The following SEC62 variants were observed in gnomAD, a reference collection of about 807,000 sequenced individuals.
SEC62 encodes translocation protein SEC62.
Under a neutral mutation model 47.5 loss-of-function variants are expected in SEC62, and 10 were observed. The ratio of observed to expected loss-of-function variants is 0.21; its 90% CI spans 0.13 to 0.36. The LOEUF (loss-of-function observed/expected upper bound fraction) is 0.36, where lower values mean the gene tolerates loss of function less well. SEC62 is among the 10% of genes least tolerant of loss of function. The pLI is 1.00. For missense variants in SEC62, 327 were observed against 464.1 expected, an observed-to-expected ratio of 0.70 and a Z score of 2.71; for synonymous variants, 136 against 150.5, an observed-to-expected ratio of 0.90 and a Z score of 0.71.
intron 7 of SEC62, among the ~76,000 whole-genome samples, chr3:169,991,022 AAAAATCACTCAGCTCTAC>A (rs919066864): frequency 2.0e-5 from 3 of 152,242 alleles, no homozygotes; most frequent in African/African-American, 7.2e-5. Flanking sequence ...AAAAACAGGA[AAAAATCACTCAGCTCTAC>A]ATAATTGGTA....
chr3:169,985,772 C>T (rs754799632), intron 5 of SEC62, 33 bp from the exon 6 acceptor site: 21 of 1,578,498 alleles, frequency 1.3e-5, no homozygotes, highest in Non-Finnish European at 1.7e-5. Flanking sequence ...GACATTAGAA[C>T]TTTTAAGCAC....
chr3:169,988,831 T>C (rs1715167192), intron 7 of SEC62, among the ~76,000 whole-genome samples: 1 of 152,200 alleles, frequency 6.6e-6, no homozygotes. Flanking sequence ...GTTTAATATT[T>C]TTGCAGTGGT....
At chr3:169,970,406 G>A (rs1714669962) in intron 1 of SEC62, among the ~76,000 whole-genome samples, 1 of 152,124 alleles carries the variant, frequency 6.6e-6, no homozygotes, top group African/African-American at 2.4e-5. Context: ...TTTATTGGAT[G>A]TAGTAATTTT....
Position 169,996,224 on chromosome 3 carries a change from A to G in SEC62, c.*3161A>G, listed in dbSNP as rs184608610. 4.5e-4 allele frequency: 68 copies of G among 152,698 alleles called. No individual in the cohort carries two copies. The highest frequency in any genetic ancestry group is 1.5e-3 in the African/African-American group (64 of 41,562). The allele number at this position is 152,698 out of a possible 1,614,324, so 9.5% of individuals were successfully genotyped here. A position where few individuals can be genotyped will look rare whatever the true frequency, so the allele number is the denominator to read the frequency against. On this transcript the variant is annotated 3_prime_UTR_variant, in exon 8 of 8. Coordinates refer to ENST00000337002, the MANE Select transcript of SEC62 (RefSeq NM_003262.4). ...CTTAACTATATTTTAAAGCTGTGAC[A>G]TTTATCTACCTGGTTTATGGAATAG...
chr3:169,979,462 A>G (rs1266668742), intron 3 of SEC62, among the ~76,000 whole-genome samples: 3 of 152,238 alleles, frequency 2.0e-5, no homozygotes, highest in South Asian at 2.1e-4. Flanking sequence ...GGCCTATATC[A>G]TGAATGAACT....
chr3:169,992,800 TCAGA>T lies in SEC62; in HGVS notation c.941_944del (p.Asp314ValfsTer11). ...ACAGAAGTCCGACAGTGAGGAAAAG[TCAGA>T]CAGTGAGAAAAAGGAAGATGAGGAG... On this transcript the variant is annotated frameshift_variant, in exon 8 of 8. Transcript: ENST00000337002. LOFTEE classifies it high-confidence loss of function. The surrounding 1 kb of genome is among the most constrained non-coding windows in gnomAD (Gnocchi z 4.0). 6.2e-7 allele frequency: 1 copy of T among 1,613,508 alleles called. No individual in the cohort carries two copies. Among genetic ancestry groups the T allele is most frequent in the Non-Finnish European group, 8.5e-7 (1 of 1,179,918 alleles).
At position 169,985,821 on chromosome 3, in the gene SEC62, A is replaced by G. The variant is rs1241718311; in HGVS notation, c.566A>G (p.Tyr189Cys). 6.2e-7 allele frequency: 1 copy of G among 1,612,620 alleles called. No individual in the cohort carries two copies. Among genetic ancestry groups the G allele is most frequent in the Non-Finnish European group, 8.5e-7 (1 of 1,179,234 alleles). ...TTCTTCTAGGTGTATGTATGGATCT[A>G]TGACCCAGTTCACTTTAAAACATTT... The part of the protein sequence containing the change: ...LDGNEVYVWI[Y>C]DPVHFKTFVM... The change falls in exon 6 of 8, where the codon TAT becomes TGT. Residue 189 changes from tyrosine (Y) to cysteine (C), a missense_variant. This residue lies in a region of SEC62 where 99 missense variants were observed against 194.0 expected (regional missense o/e 0.51). Transcript: ENST00000337002.
rs1715296670 is a variant in SEC62 at position 169,993,457 on chromosome 3, A to G, written c.*394A>G. 6.2e-6 allele frequency: 1 copy of G among 160,430 alleles called. No homozygotes were observed. Among genetic ancestry groups the G allele is most frequent in the African/African-American group, 2.4e-5 (1 of 41,568 alleles). 9.9% of individuals were successfully genotyped at this position (160,430 alleles called of 1,614,324 possible). A position where few individuals can be genotyped will look rare whatever the true frequency, so the allele number is the denominator to read the frequency against. ...CCAACATTTCACATTATGCATAGTTATGTAGCCATTTCACAGTTTCTTTAA... is the reference window on the plus strand; with the variant it reads ...CCAACATTTCACATTATGCATAGTTGTGTAGCCATTTCACAGTTTCTTTAA... On this transcript the variant is annotated 3_prime_UTR_variant, in exon 8 of 8. Transcript: ENST00000337002.
intron 4 of SEC62, 31 bp downstream of exon 4, chr3:169,982,942 A>G (rs1030326202): frequency 6.4e-7 from 1 of 1,555,912 alleles, no homozygotes; most frequent in Non-Finnish European, 8.6e-7. Context: ...GTAAAAATTT[A>G]AAAATCATTA....
chr3:169,975,460 A>G, intron 1 of SEC62, 148 bp from the exon 2 acceptor site: 3 of 516,944 alleles, frequency 5.8e-6, no homozygotes, highest in Non-Finnish European at 1.0e-5. Context: ...TGTCTTTTGA[A>G]TACTTTATTA....
Position 169,992,176 on chromosome 3 carries a change from T to A in SEC62, c.731-418T>A, listed in dbSNP as rs188198963. On this transcript the variant is annotated intron_variant, in intron 7 of 7. Coordinates refer to ENST00000337002, the MANE Select transcript of SEC62 (RefSeq NM_003262.4). This position sits in a 1 kb window ranked among gnomAD's most constrained non-coding sequence, Gnocchi z 4.0. The stretch of plus-strand genomic sequence containing the variant: ...TTGCTATGTGTATTGAAGCATAATA[T>A]CACAAAGTACATAAATCAGAAGTGT... Among the ~76,000 whole-genome samples, 2 of 152,294 alleles carry A rather than the reference T, an allele frequency of 1.3e-5. No individual in the cohort carries two copies. Among genetic ancestry groups the A allele is most frequent in the Admixed American group, 1.3e-4 (2 of 15,292 alleles).
intron 7 of SEC62, among the ~76,000 whole-genome samples, chr3:169,990,565 G>T (rs1045836931): frequency 2.6e-5 from 4 of 151,448 alleles, no homozygotes; most frequent in Non-Finnish European, 5.9e-5. Context: ...TTTCTATATT[G>T]CTTTTTCTTT....
chr3:169,983,083 GAA>G, intron 4 of SEC62, 76 bp from the exon 5 acceptor site: 1 of 1,455,190 alleles, frequency 6.9e-7, no homozygotes, highest in Non-Finnish European at 9.4e-7. Context: ...AATAGTCAGT[GAA>G]AGTTTTTTGA....
rs556908019 is a variant in SEC62 at position 169,987,809 on chromosome 3, C to T, written c.611-431C>T. ...CAGTCTGTGGATGTCAGAGCTCCACCCCAGAAGAAGAATCTCCAGAGAGGG... is the reference window on the plus strand; with the variant it reads ...CAGTCTGTGGATGTCAGAGCTCCACTCCAGAAGAAGAATCTCCAGAGAGGG... On this transcript the variant is annotated intron_variant, in intron 6 of 7. Transcript: ENST00000337002. 2.0e-5 allele frequency among the ~76,000 whole-genome samples: 3 copies of T among 152,258 alleles called. 1 individual carries two copies. The South Asian group carries it at 6.2e-4, about 32-fold the overall frequency.
intron 1 of SEC62, among the ~76,000 whole-genome samples, chr3:169,969,693 A>C (rs577850529): frequency 2.6e-4 from 40 of 152,268 alleles, no homozygotes; most frequent in African/African-American, 9.4e-4. Context: ...CTGATTCCCA[A>C]CTGAATACTC....
Position 169,983,250 on chromosome 3 carries a change from T to A in SEC62, c.546T>A (p.Asn182Lys). Residue 182 changes from asparagine (N) to lysine (K), a missense_variant, in exon 5 of 8, where the codon AAT (asparagine) becomes AAA (lysine). Physicochemically the swap from Asn to Lys is moderately conservative, Grantham distance 94. Around this residue, in one of 3 missense-constraint regions of SEC62, gnomAD observed 99 missense variants for 194.0 expected, o/e 0.51. Transcript: ENST00000337002. The part of the protein sequence containing the change: ...PHDDQVFLDG[N>K]EVYVWIYDPV... ...ATGATCAGGTTTTTCTGGATGGAAA[T>A]GAGGTGAGAGTAAGCCTATAACTAG... 1 of 1,609,258 alleles carries A rather than the reference T, an allele frequency of 6.2e-7. No individual in the cohort carries two copies. The highest frequency in any genetic ancestry group is 8.5e-7 in the Non-Finnish European group (1 of 1,176,406).
At chr3:169,976,148 A>C (rs917028264) in intron 2 of SEC62, among the ~76,000 whole-genome samples, 1 of 152,112 alleles carries the variant, frequency 6.6e-6, no homozygotes, top group African/African-American at 2.4e-5. Context: ...TATAGTACCA[A>C]CACTTTGGGA....
At chr3:169,985,085 A>G (rs1279049964) in intron 5 of SEC62, 1 of 151,888 alleles carries the variant, frequency 6.6e-6, no homozygotes, top group Admixed American at 6.6e-5. Flanking sequence ...AGGAGAGAAA[A>G]GTGTGGAGTT....
chr3:169,969,764 T>G (rs1431826738), intron 1 of SEC62, among the ~76,000 whole-genome samples: 1 of 152,214 alleles, frequency 6.6e-6, no homozygotes, highest in African/African-American at 2.4e-5. Flanking sequence ...CTGACTTCTT[T>G]ATTATTGAAT....
Sources: allele counts gnomAD v4.1 joint callset (sites outside exome capture counted in the v4.1 genomes callset), GRCh38; gene constraint gnomAD v4.1.1; regional missense constraint gnomAD v4.1.1; non-coding constraint Gnocchi (gnomAD v3.1); transcripts MANE v1.5; gene names NCBI Gene and HGNC (gene_info 2026-07-23, HGNC 2026-07-21).